The following ZNF318 variants were observed in gnomAD, a reference collection of about 807,000 sequenced individuals.
ZNF318 encodes the protein endocrine regulator.
ZNF318 carries 51 observed loss-of-function variants against 124.2 expected under a neutral mutation model. The ratio of observed to expected loss-of-function variants is 0.41; its 90% CI spans 0.33 to 0.52. The LOEUF is 0.52. Among genes scored for constraint, ZNF318 ranks in the 20% least tolerant of loss-of-function variants. ZNF318 has a pLI of 0.23. For missense variants in ZNF318, 2,815 were observed against 2,811.2 expected (o/e 1.00, Z -0.03); for synonymous variants, 1,090 against 1,040.7 (o/e 1.05, Z -0.91).
chr6:43,368,635 C>A (rs903329123), intron 1 of ZNF318: 17 of 980,732 alleles, frequency 1.7e-5, no homozygotes, highest in Non-Finnish European at 2.1e-5. Context: ...GAGGACACAT[C>A]AACTCTACAA....
At chr6:43,344,693 A>C (rs1427463501) in intron 6 of ZNF318, among the ~76,000 whole-genome samples, 4 of 152,174 alleles carry the variant, frequency 2.6e-5, no homozygotes, top group Non-Finnish European at 5.9e-5. Flanking sequence ...TTTAATGAGA[A>C]TATGAACCTT....
Position 43,340,204 on chromosome 6 carries a change from T to C in ZNF318, c.3794A>G (p.Lys1265Arg), listed in dbSNP as rs748447752. ...IKLQLKEEVK[K>R]ESPTSSSFGK... ...AAAAGAAGATGATGTTGGTGATTCC[T>C]TCTTTACCTCTTCTTTTAACTGGAG... Residue 1265 changes from lysine (K) to arginine (R), a missense_variant, in exon 10 of 10, where the codon AAG becomes AGG. This residue lies in a region of ZNF318 where 500 missense variants were observed against 605.2 expected (regional missense o/e 0.83). Coordinates refer to ENST00000361428, the MANE Select transcript of ZNF318 (RefSeq NM_014345.3). 2 of 1,614,208 alleles carry C rather than the reference T, an allele frequency of 1.2e-6. No individual in the cohort carries two copies. Among genetic ancestry groups the C allele is most frequent in the Non-Finnish European group, 1.7e-6 (2 of 1,180,036 alleles).
chr6:43,367,766 C>A (rs1381829665), intron 1 of ZNF318, among the ~76,000 whole-genome samples: 1 of 152,226 alleles, frequency 6.6e-6, no homozygotes, highest in Non-Finnish European at 1.5e-5. Context: ...AACTGGAAAT[C>A]TTAACATAGT....
chr6:43,344,709 T>C (rs1022671190), intron 6 of ZNF318, among the ~76,000 whole-genome samples: 1 of 152,196 alleles, frequency 6.6e-6, no homozygotes, highest in African/African-American at 2.4e-5. Flanking sequence ...ACCTTGTCTA[T>C]ACTGTTCAGT....
chr6:43,350,876 GC>G (rs1779515069), intron 5 of ZNF318, among the ~76,000 whole-genome samples: 1 of 152,176 alleles, frequency 6.6e-6, no homozygotes, highest in South Asian at 2.1e-4. Flanking sequence ...ATCAATGGAT[GC>G]TAAAACCAGT....
intron 6 of ZNF318, among the ~76,000 whole-genome samples, chr6:43,347,062 G>C (rs1177968407): frequency 3.3e-5 from 5 of 152,156 alleles, no homozygotes. Flanking sequence ...TAACAGTCTA[G>C]GGAATCAGAG....
chr6:43,337,352 A>C lies in ZNF318; in HGVS notation c.6646T>G (p.Ser2216Ala). Reference protein sequence around the residue: ...GPLQLEISNASTTEVAILQVD... With the variant: ...GPLQLEISNAATTEVAILQVD... ...TGCAGAATTGCCACCTCTGTGGTGG[A>C]TGCATTCGATATTTCTAGCTGTAAT... Residue 2216 changes from serine to alanine, a missense_variant, in exon 10 of 10, where the codon TCC becomes GCC. Ser to Ala is a moderately conservative substitution (Grantham distance 99). Around this residue, in one of 4 missense-constraint regions of ZNF318, gnomAD observed 927 missense variants for 820.6 expected, o/e 1.13. Transcript: ENST00000361428. The C allele has an allele frequency of 1.9e-6, 3 of 1,614,140 alleles. No individual in the cohort carries two copies. The highest frequency in any genetic ancestry group is 1.7e-5 in the Admixed American group (1 of 60,016).
intron 2 of ZNF318, among the ~76,000 whole-genome samples, chr6:43,358,513 T>A (rs1029494639): frequency 6.6e-6 from 1 of 150,378 alleles, no homozygotes; most frequent in African/African-American, 2.4e-5. Context: ...CAGCCCGCCT[T>A]GGCCTCCCAA....
rs1448302796 is a variant in ZNF318, at chr6:43,339,248, T to G, written c.4750A>C (p.Lys1584Gln). 6.2e-7 allele frequency: 1 copy of G among 1,614,006 alleles called. No homozygotes were observed. The highest frequency in any genetic ancestry group is 2.2e-5 in the East Asian group (1 of 44,880). The change falls in exon 10 of 10, where the codon AAG becomes CAG. Residue 1584 changes from lysine to glutamine, a missense_variant. Around this residue, in one of 4 missense-constraint regions of ZNF318, gnomAD observed 927 missense variants for 820.6 expected, o/e 1.13. Coordinates refer to ENST00000361428, the MANE Select transcript of ZNF318 (RefSeq NM_014345.3). The surrounding 1 kb of genome is among the most constrained non-coding windows in gnomAD (Gnocchi z 4.2). ...SSGGKGAPET[K>Q]GAPETKLSGG... ...CTTAGCTTAGTCTCAGGGGCCCCCT[T>G]AGTCTCAGGGGCCCCCTTTCCACCA...
At chr6:43,356,281 T>C in intron 3 of ZNF318, 136 bp from the exon 4 acceptor site, 1 of 930,374 alleles carries the variant, frequency 1.1e-6, no homozygotes, top group Non-Finnish European at 1.6e-6. Flanking sequence ...AGGAAAAGTA[T>C]CCTTAGCCAG....
intron 5 of ZNF318, among the ~76,000 whole-genome samples, chr6:43,348,947 T>C (rs1230199250): frequency 7.2e-5 from 11 of 152,162 alleles, no homozygotes; most frequent in Admixed American, 4.6e-4. Context: ...GGCAGGAGAA[T>C]TGCTTGAACT....
chr6:43,357,093 A>T (rs1381902116), intron 3 of ZNF318, 33 bp downstream of exon 3: 2 of 1,573,134 alleles, frequency 1.3e-6, no homozygotes, highest in Non-Finnish European at 1.7e-6. Flanking sequence ...TAGGGAGACT[A>T]GCAAGAGGCC....
chr6:43,367,575 T>C (rs1287087845), intron 1 of ZNF318, among the ~76,000 whole-genome samples: 1 of 152,154 alleles, frequency 6.6e-6, no homozygotes, highest in Non-Finnish European at 1.5e-5. Flanking sequence ...TCTGACAAAT[T>C]AGATGTGGGA....
Position 43,356,080 on chromosome 6 carries a change from G to C in ZNF318, c.1254C>G (p.Ser418=), listed in dbSNP as rs149011481. The C allele has an allele frequency of 8.1e-5, 130 of 1,614,084 alleles. No homozygotes were observed. The highest frequency in any genetic ancestry group is 3.3e-4 in the Middle Eastern group (2 of 6,084). ...QDHPLYSGHP[S]LPLSGAIAAF... ...CAGCAATAGCACCACTTAGTGGAAG[G>C]GATGGGTGCCCAGAGTAGAGAGGGT... The change falls in exon 4 of 10, where the codon TCC becomes TCG. Residue 418 remains serine, a synonymous_variant. Coordinates refer to ENST00000361428, the MANE Select transcript of ZNF318 (RefSeq NM_014345.3).
chr6:43,368,832 G>C (rs1236693146), intron 1 of ZNF318, 135 bp downstream of exon 1: 1 of 1,233,596 alleles, frequency 8.1e-7, no homozygotes, highest in Admixed American at 4.2e-5. Flanking sequence ...CTCCAGGCTC[G>C]GCATCCCCGA....
chr6:43,357,061 A>C, intron 3 of ZNF318, 65 bp downstream of exon 3: 1 of 1,511,214 alleles, frequency 6.6e-7, no homozygotes, highest in South Asian at 1.3e-5. Flanking sequence ...GCCCACAGGA[A>C]AGTAAGCAGG....
chr6:43,337,637 C>T lies in ZNF318; in HGVS notation c.6361G>A (p.Glu2121Lys). 3.7e-6 allele frequency: 6 copies of T among 1,614,128 alleles called. No homozygotes were observed. The highest frequency in any genetic ancestry group is 5.1e-6 in the Non-Finnish European group (6 of 1,180,020). ...ENVDRGLGGL[E>K]GTHQALDLLA... ...AGGTCAAGGGCCTGGTGTGTTCCCTCTAGGCCCCCCAAGCCACGGTCAACA... is the reference window on the plus strand; with the variant it reads ...AGGTCAAGGGCCTGGTGTGTTCCCTTTAGGCCCCCCAAGCCACGGTCAACA... Residue 2121 changes from glutamate to lysine, a missense_variant, in exon 10 of 10, where the codon GAG becomes AAG. Physicochemically the swap from Glu to Lys is moderately conservative, Grantham distance 56 (BLOSUM62 1). Coordinates refer to ENST00000361428, the MANE Select transcript of ZNF318 (RefSeq NM_014345.3).
At chr6:43,356,905 C>A (rs899486939) in intron 3 of ZNF318, among the ~76,000 whole-genome samples, 3 of 152,108 alleles carry the variant, frequency 2.0e-5, no homozygotes, top group Non-Finnish European at 4.4e-5. Flanking sequence ...TCCAAAATAT[C>A]TATTTATTAA....
At chr6:43,363,469 C>T (rs1030421511) in intron 2 of ZNF318, 11 of 182,424 alleles carry the variant, frequency 6.0e-5, no homozygotes, top group African/African-American at 2.2e-4. Flanking sequence ...GGGGGTGGGG[C>T]GGGGGCAGAG....
Sources: gnomAD v4.1 joint callset for allele counts (sites outside exome capture counted in the v4.1 genomes callset) on GRCh38, gnomAD v4.1.1 for gene constraint, gnomAD v4.1.1 regional missense constraint, Gnocchi (gnomAD v3.1) non-coding constraint, MANE v1.5 for transcripts, NCBI Gene and HGNC (gene_info 2026-07-23, HGNC 2026-07-21) for gene names.